Variants in TENM4 observed in about 807,000 individuals in gnomAD.
The protein encoded by TENM4 is teneurin transmembrane protein 4, also known as teneurin-4.
In TENM4, 82 loss-of-function variants were observed where a neutral mutation model predicts 243.3. The observed-to-expected ratio is 0.34, with a 90% CI of 0.28 to 0.40. The LOEUF (loss-of-function observed/expected upper bound fraction) is 0.40. TENM4 is among the 10% of genes least tolerant of loss of function. TENM4 has a pLI of 1.00. For missense variants in TENM4, 3,138 were observed against 3,673.3 expected, an observed-to-expected ratio of 0.85 and a Z score of 3.77; for synonymous variants, 1,412 against 1,456.3, an observed-to-expected ratio of 0.97 and a Z score of 0.69.
intron 6 of TENM4, among the ~76,000 whole-genome samples, chr11:79,037,216 T>C (rs1859412248): frequency 1.3e-5 from 2 of 152,160 alleles, no homozygotes; most frequent in South Asian, 4.1e-4. Context: ...ACCTCAAATG[T>C]GGTCCCTTTA....
At chr11:78,697,924 G>A (rs1469296748) in intron 28 of TENM4, among the ~76,000 whole-genome samples, 1 of 152,134 alleles carries the variant, frequency 6.6e-6, no homozygotes, top group African/African-American at 2.4e-5. Context: ...GCCACACATG[G>A]GAGGTGGGGA....
intron 2 of TENM4, among the ~76,000 whole-genome samples, chr11:79,235,422 G>A (rs1263318597): frequency 6.6e-6 from 1 of 152,150 alleles, no homozygotes; most frequent in Non-Finnish European, 1.5e-5. Flanking sequence ...GACCTGGGAC[G>A]GATGAAGCTC....
At chr11:78,756,670 C>G (rs1215679650) in intron 19 of TENM4, 135 bp downstream of exon 19, 42 of 844,060 alleles carry the variant, frequency 5.0e-5, no homozygotes, top group Non-Finnish European at 6.9e-5. Context: ...TCTGCCTCCC[C>G]CGACATTCCA....
Position 78,729,602 on chromosome 11 carries a change from C to T in TENM4, c.3180G>A (p.Arg1060=), listed in dbSNP as rs1346582883. 1.2e-6 allele frequency: 2 copies of T among 1,613,116 alleles called. No homozygotes were observed. Among genetic ancestry groups the T allele is most frequent in the Non-Finnish European group, 1.7e-6 (2 of 1,179,422 alleles). Residue 1060 remains arginine, a synonymous_variant, in exon 22 of 34, where the codon AGG becomes AGA. Transcript: ENST00000278550. ...GGGTCCGGCTGCTCAGGTAGCTCAG[C>T]CTCATCTTGCAGCCAGAGATAGAGA... ...EEISISGCKM[R]LSYLSSRTPG...
chr11:78,917,078 T>C (rs760209298), intron 6 of TENM4, among the ~76,000 whole-genome samples: 3 of 152,250 alleles, frequency 2.0e-5, no homozygotes, highest in Non-Finnish European at 4.4e-5. Context: ...TCAATAGTTA[T>C]ATGAATGATG....
chr11:78,927,742 A>G (rs1447282072), intron 6 of TENM4, among the ~76,000 whole-genome samples: 1 of 152,144 alleles, frequency 6.6e-6, no homozygotes, highest in Admixed American at 6.5e-5. Context: ...TTTGCTAACC[A>G]TGTCCTTCAA....
intron 14 of TENM4, among the ~76,000 whole-genome samples, chr11:78,809,491 G>T (rs1186942020): frequency 1.3e-5 from 2 of 152,176 alleles, no homozygotes; most frequent in Non-Finnish European, 2.9e-5. Context: ...CCAAAGAGGT[G>T]GTAGGTAGAC....
Position 78,776,032 on chromosome 11 carries a change from C to T in TENM4, c.2392+2570G>A, listed in dbSNP as rs181787726. Among the ~76,000 whole-genome samples, 551 of 152,206 alleles carry T rather than the reference C, an allele frequency of 3.6e-3. 1 individual carries two copies. Among genetic ancestry groups the T allele is most frequent in the African/African-American group, 0.013 (524 of 41,548 alleles). On this transcript the variant is annotated intron_variant, in intron 17 of 33. Coordinates refer to ENST00000278550, the MANE Select transcript of TENM4 (RefSeq NM_001098816.3). ...AAATGGCCCATTTCTTTATGTTTCT[C>T]TTACTGGTCCTCTTGTACTTTTTTT...
At chr11:79,140,028 C>G (rs1175652477) in intron 4 of TENM4, among the ~76,000 whole-genome samples, 2 of 151,418 alleles carry the variant, frequency 1.3e-5, no homozygotes, top group Non-Finnish European at 2.9e-5. Context: ...CAGGCATGGT[C>G]TCTTATTCAC....
chr11:78,703,234 T>C (rs764911145), intron 27 of TENM4, among the ~76,000 whole-genome samples: 1 of 152,156 alleles, frequency 6.6e-6, no homozygotes, highest in East Asian at 1.9e-4. Flanking sequence ...TTGCTCCTTA[T>C]GTGTGGTCAT....
chr11:79,171,270 A>G (rs1201199421), intron 3 of TENM4, among the ~76,000 whole-genome samples: 2 of 152,222 alleles, frequency 1.3e-5, no homozygotes, highest in Non-Finnish European at 2.9e-5. Context: ...AGTATATGGT[A>G]TTTGTGTGAA....
chr11:79,290,861 A>AG (rs766130856), intron 2 of TENM4, among the ~76,000 whole-genome samples: 4 of 152,214 alleles, frequency 2.6e-5, no homozygotes, highest in Non-Finnish European at 5.9e-5. Flanking sequence ...AGTACATAGT[A>AG]GGTACTCATA....
chr11:79,416,929 G>A lies in TENM4; in HGVS notation c.-321+23580C>T, dbSNP rs566481274. 6.6e-5 allele frequency among the ~76,000 whole-genome samples: 10 copies of A among 152,134 alleles called. No individual in the cohort carries two copies. The South Asian group carries it at 1.9e-3, about 28-fold the overall frequency. On this transcript the variant is annotated intron_variant, in intron 1 of 33. Transcript: ENST00000278550. ...CACTACAGGCAACTGTAACATCAAC[G>A]CTTTCTTGCCACTCACACAGTCATT...
At chr11:79,397,803 TC>T (rs1454821875) in intron 1 of TENM4, among the ~76,000 whole-genome samples, 3 of 152,068 alleles carry the variant, frequency 2.0e-5, no homozygotes, top group Non-Finnish European at 4.4e-5. Context: ...GTATGATTTT[TC>T]CCCCTCCTTT....
At chr11:78,830,886 C>T (rs915595873) in intron 12 of TENM4, among the ~76,000 whole-genome samples, 2 of 152,136 alleles carry the variant, frequency 1.3e-5, no homozygotes, top group African/African-American at 4.8e-5. Flanking sequence ...TAGTGCAGAT[C>T]CAAGTTTTTA....
intron 1 of TENM4, among the ~76,000 whole-genome samples, chr11:79,364,698 G>T (rs1302059652): frequency 6.6e-6 from 1 of 152,166 alleles, no homozygotes; most frequent in Non-Finnish European, 1.5e-5. Context: ...CAAGAAAACT[G>T]AGGCTTCTAT....
chr11:79,222,459 A>G (rs1864180655), intron 2 of TENM4, among the ~76,000 whole-genome samples: 1 of 152,218 alleles, frequency 6.6e-6, no homozygotes, highest in South Asian at 2.1e-4. Flanking sequence ...TAGTGCTGCA[A>G]TAAACATATG....
At chr11:78,666,998 C>T (rs542268509) in intron 32 of TENM4, among the ~76,000 whole-genome samples, 49 of 151,926 alleles carry the variant, frequency 3.2e-4, no homozygotes, top group Non-Finnish European at 6.0e-4. Context: ...TTTTTTTCAG[C>T]TACAGTAACC....
chr11:79,162,442 T>G (rs933631857), intron 3 of TENM4, among the ~76,000 whole-genome samples: 2 of 150,376 alleles, frequency 1.3e-5, no homozygotes, highest in African/African-American at 4.9e-5. Flanking sequence ...CTAGTGGTCA[T>G]GATGCTATAA....
Sources: allele counts gnomAD v4.1 joint callset (sites outside exome capture counted in the v4.1 genomes callset), GRCh38; gene constraint gnomAD v4.1.1; transcripts MANE v1.5; gene names NCBI Gene and HGNC (gene_info 2026-07-23, HGNC 2026-07-21).